The following MYCBP2 variants were observed in gnomAD, a reference collection of about 807,000 sequenced individuals.
MYCBP2 encodes the protein E3 ubiquitin-protein ligase MYCBP2.
A neutral mutation model predicts 525.3 loss-of-function variants in MYCBP2; 120 were observed. The ratio of observed to expected loss-of-function variants is 0.23; its 90% CI spans 0.20 to 0.27. The LOEUF is 0.27. Ranked by LOEUF, MYCBP2 falls within the 10% of genes least tolerant of loss-of-function variation. MYCBP2 has a pLI of 1.00. For missense variants in MYCBP2, 4,149 were observed against 5,657.1 expected, an observed-to-expected ratio of 0.73 and a Z score of 8.55; for synonymous variants, 1,894 against 1,955.8, an observed-to-expected ratio of 0.97 and a Z score of 0.83.
At position 77,233,218 on chromosome 13, in the gene MYCBP2, T is replaced by A. The variant is rs138180895; in HGVS notation, c.2675A>T (p.Gln892Leu). ...AGPIFMNHRE[Q>L]ALARLRSHPA... Reference sequence around the variant, plus strand: ...ATGGGATCTGAGTCTGGCTAGAGCCTGTTCTCGATGGTTCATAAAAATAGG... The same window carrying A: ...ATGGGATCTGAGTCTGGCTAGAGCCAGTTCTCGATGGTTCATAAAAATAGG... The change falls in exon 18 of 83, where the codon CAG becomes CTG. Residue 892 changes from glutamine to leucine, a missense_variant. Transcript: ENST00000544440. 5.6e-6 allele frequency: 9 copies of A among 1,613,766 alleles called. No homozygotes were observed. Among genetic ancestry groups the A allele is most frequent in the East Asian group, 2.2e-5 (1 of 44,884 alleles).
At chr13:77,111,079 T>A (rs2048737343) in intron 55 of MYCBP2, among the ~76,000 whole-genome samples, 1 of 152,102 alleles carries the variant, frequency 6.6e-6, no homozygotes, top group South Asian at 2.1e-4. Context: ...GGTACAGAAG[T>A]TTGAGAGAAT....
chr13:77,113,050 A>G (rs966893150), intron 55 of MYCBP2, among the ~76,000 whole-genome samples: 1 of 152,154 alleles, frequency 6.6e-6, no homozygotes, highest in Non-Finnish European at 1.5e-5. Flanking sequence ...CTCTGCATGA[A>G]CAGTGCTTAG....
intron 39 of MYCBP2, 30 bp downstream of exon 39, chr13:77,169,584 C>G: frequency 1.3e-6 from 2 of 1,554,868 alleles, no homozygotes; most frequent in East Asian, 4.5e-5. Flanking sequence ...TTAAAAAAAA[C>G]ATTCAAAGTT....
Position 77,081,859 on chromosome 13 carries a change from G to C in MYCBP2, c.11171C>G (p.Ser3724Cys), listed in dbSNP as rs1304100094. ...SEESFSISIQ[S>C]GFEAMSQELC... Reference sequence around the variant, plus strand: ...GACCTGACTCATAGCTTCAAAGCCAGACTGTATACTGATGCTAAAACTCTC... The same window carrying C: ...GACCTGACTCATAGCTTCAAAGCCACACTGTATACTGATGCTAAAACTCTC... The change falls in exon 64 of 83, where the codon TCT (serine) becomes TGT (cysteine). Residue 3724 changes from serine (S) to cysteine (C), a missense_variant. Physicochemically the swap from Ser to Cys is moderately radical, Grantham distance 112. Transcript: ENST00000544440. The surrounding 1 kb of genome is among the most constrained non-coding windows in gnomAD (Gnocchi z 4.6). 1 of 1,613,252 alleles carries C rather than the reference G, an allele frequency of 6.2e-7. No homozygotes were observed. Among genetic ancestry groups the C allele is most frequent in the East Asian group, 2.2e-5 (1 of 44,854 alleles).
Position 77,098,364 on chromosome 13 carries a change from A to C in MYCBP2, c.8790T>G (p.Ser2930Arg). The C allele has an allele frequency of 6.2e-7, 1 of 1,613,222 alleles. No homozygotes were observed. Among genetic ancestry groups the C allele is most frequent in the Non-Finnish European group, 8.5e-7 (1 of 1,179,816 alleles). The change falls in exon 56 of 83, where the codon AGT becomes AGG. Residue 2930 changes from serine (S) to arginine (R), a missense_variant. Ser to Arg is a moderately radical substitution (Grantham distance 110). Transcript: ENST00000544440. ...SPHVVQENLH[S>R]EVVEVCTSST... ...TTGAGGTGCAGACTTCGACCACCTC[A>C]CTGTGGAGGTTTTCCTGTACCACAT... is the stretch of plus-strand genomic sequence containing the variant.
chr13:77,174,446 C>G lies in MYCBP2; in HGVS notation c.5516G>C (p.Arg1839Pro), dbSNP rs143328241. 3.7e-6 allele frequency: 6 copies of G among 1,613,988 alleles called. No individual in the cohort carries two copies. The highest frequency in any genetic ancestry group is 5.1e-6 in the Non-Finnish European group (6 of 1,179,924). The change falls in exon 37 of 83, where the codon CGT becomes CCT. Residue 1839 changes from arginine (R) to proline (P), a missense_variant. Coordinates refer to ENST00000544440, the MANE Select transcript of MYCBP2 (RefSeq NM_015057.5). ...YAVRLRNYGS[R>P]TANGDGGMTT... Reference sequence around the variant, plus strand: ...CATTCCTCCATCTCCATTGGCTGTACGGCTTCCATAGTTCCTCAAGCGCAC... The same window carrying G: ...CATTCCTCCATCTCCATTGGCTGTAGGGCTTCCATAGTTCCTCAAGCGCAC...
At position 77,050,852 on chromosome 13, in the gene MYCBP2, C is replaced by G. The variant is rs1377794517; in HGVS notation, c.13921+145G>C. 7.2e-6 allele frequency: 5 copies of G among 690,756 alleles called. No individual in the cohort carries two copies. In the Admixed American group the frequency reaches 1.3e-4, roughly 18 times the overall value. 42.8% of individuals were successfully genotyped at this position (690,756 alleles called of 1,614,324 possible). A position where few individuals can be genotyped will look rare whatever the true frequency, so the allele number is the denominator to read the frequency against. On this transcript the variant is annotated intron_variant, in intron 82 of 82. Coordinates refer to ENST00000544440, the MANE Select transcript of MYCBP2 (RefSeq NM_015057.5). ...CCTAATTCACCCAGAAAGTCATAAGCTTACAAGGATCAAGGAATTCCTCCT... is the reference window on the plus strand; with the variant it reads ...CCTAATTCACCCAGAAAGTCATAAGGTTACAAGGATCAAGGAATTCCTCCT...
At chr13:77,259,838 T>C (rs2072945198) in intron 13 of MYCBP2, among the ~76,000 whole-genome samples, 1 of 152,172 alleles carries the variant, frequency 6.6e-6, no homozygotes, top group African/African-American at 2.4e-5. Flanking sequence ...AGAAAGAAAA[T>C]CTAGTAACCA....
At chr13:77,319,801 T>G (rs1293484894) in intron 1 of MYCBP2, among the ~76,000 whole-genome samples, 1 of 152,182 alleles carries the variant, frequency 6.6e-6, no homozygotes, top group Non-Finnish European at 1.5e-5. Context: ...GAATCGATTC[T>G]CATTGCCAGC....
Position 77,088,883 on chromosome 13 carries a change from T to A in MYCBP2, c.10674A>T (p.Ile3558=). 1.2e-6 allele frequency: 2 copies of A among 1,613,226 alleles called. No homozygotes were observed. Among genetic ancestry groups the A allele is most frequent in the Non-Finnish European group, 1.7e-6 (2 of 1,179,458 alleles). The change falls in exon 61 of 83, where the codon ATA becomes ATT. Residue 3558 remains isoleucine, a synonymous_variant. Transcript: ENST00000544440. ...ATTTCCTTAGGGCCTGTTTCATTGC[T>A]ATTTCAAGACCTTCTAGATCATGAT... is the stretch of plus-strand genomic sequence containing the variant. ...IQHHDLEGLE[I]AMKQALRKSA...
intron 55 of MYCBP2, among the ~76,000 whole-genome samples, chr13:77,111,258 C>G (rs2048769610): frequency 6.6e-6 from 1 of 152,048 alleles, no homozygotes; most frequent in Non-Finnish European, 1.5e-5. Flanking sequence ...ATATATTTCT[C>G]AATTTCAAGT....
At chr13:77,204,886 T>G (rs1190517594) in intron 26 of MYCBP2, among the ~76,000 whole-genome samples, 1 of 114,474 alleles carries the variant, frequency 8.7e-6, no homozygotes, top group Non-Finnish European at 1.7e-5. Context: ...CATCACACTC[T>G]GGAGACTGTT....
intron 1 of MYCBP2, among the ~76,000 whole-genome samples, chr13:77,304,027 T>C (rs2079104388): frequency 6.6e-6 from 1 of 152,138 alleles, no homozygotes; most frequent in Admixed American, 6.5e-5. Context: ...ACACTGTTGA[T>C]GGGAATGTGA....
At chr13:77,180,059 G>T in intron 34 of MYCBP2, 68 bp downstream of exon 34, 2 of 1,325,942 alleles carry the variant, frequency 1.5e-6, no homozygotes, top group East Asian at 2.4e-5. Context: ...CAAAATAGTT[G>T]AAAAAAGAAA....
At chr13:77,278,736 C>T (rs771973835) in intron 4 of MYCBP2, 22 bp downstream of exon 4, 4 of 1,470,630 alleles carry the variant, frequency 2.7e-6, no homozygotes, top group South Asian at 1.5e-5. Context: ...AAATGCTTCA[C>T]TGAATGAGCC....
intron 52 of MYCBP2, among the ~76,000 whole-genome samples, chr13:77,136,591 G>T (rs2053794552): frequency 6.6e-6 from 1 of 152,158 alleles, no homozygotes; most frequent in Admixed American, 6.5e-5. Flanking sequence ...TAAAGGACTA[G>T]GCAGGGGATT....
chr13:77,179,328 T>A (rs930066084), intron 34 of MYCBP2, among the ~76,000 whole-genome samples: 1 of 152,208 alleles, frequency 6.6e-6, no homozygotes, highest in Non-Finnish European at 1.5e-5. Context: ...ATGTAAGATA[T>A]TTCATATTAG....
intron 55 of MYCBP2, among the ~76,000 whole-genome samples, chr13:77,106,093 A>G (rs902278406): frequency 3.3e-5 from 5 of 152,124 alleles, no homozygotes; most frequent in African/African-American, 1.2e-4. Context: ...CTGTATCAGG[A>G]CCCTGACCTT....
intron 60 of MYCBP2, among the ~76,000 whole-genome samples, chr13:77,089,611 G>A (rs9544416): frequency 0.25 from 38,183 of 150,964 alleles, 5,957 homozygotes; most frequent in Non-Finnish European, 0.35. Flanking sequence ...CTCCAATTTG[G>A]GGCTGTTGAT....
Sources: gnomAD v4.1 joint callset for allele counts (sites outside exome capture counted in the v4.1 genomes callset) on GRCh38, gnomAD v4.1.1 for gene constraint, Gnocchi (gnomAD v3.1) non-coding constraint, MANE v1.5 for transcripts, NCBI Gene and HGNC (gene_info 2026-07-23, HGNC 2026-07-21) for gene names.